ANO7: variants seen among roughly 807,000 people sequenced by gnomAD.
The protein encoded by ANO7 is anoctamin-7.
A neutral mutation model predicts 115.8 loss-of-function variants in ANO7; 114 were observed. The ratio of observed to expected loss-of-function variants is 0.98; its 90% confidence interval spans 0.85 to 1.15. ANO7 has a LOEUF of 1.15. Among genes scored for constraint, ANO7 ranks in the 50% most tolerant of loss-of-function variants. ANO7 has a pLI of 0.00. For missense variants in ANO7, 1,302 were observed against 1,201.2 expected (o/e 1.08, Z -1.24); for synonymous variants, 550 against 498.2 (o/e 1.10, Z -1.38).
the ANO7 span, chr2:241,236,125 T>C: frequency 5.1e-6 from 1 of 195,676 alleles, no homozygotes; most frequent in African/African-American, 2.3e-5. Flanking sequence ...TGCCACAGGA[T>C]ATATCTGCGT....
chr2:241,192,639 A>G (rs2068233086), intron 3 of ANO7, among the ~76,000 whole-genome samples: 1 of 152,204 alleles, frequency 6.6e-6, no homozygotes, highest in Non-Finnish European at 1.5e-5. Context: ...TTTTGGAGAA[A>G]CTTAGTTCAG....
chr2:241,195,646 C>T (rs2068307487), intron 3 of ANO7, 57 bp from the exon 4 acceptor site: 2 of 1,565,312 alleles, frequency 1.3e-6, no homozygotes, highest in Admixed American at 3.5e-5. Context: ...CATCCCTTCC[C>T]TGGGCCGGCC....
Position 241,225,297 on chromosome 2 carries a change from A to T in ANO7, c.*1144A>T, listed in dbSNP as rs2069131996. ...TCCCAGGACTTTGGGAGGCTGAGGC[A>T]GGAGGATTACAAGGTCAGGAGTTCG... is the stretch of plus-strand genomic sequence containing the variant. On this transcript the variant is annotated 3_prime_UTR_variant, in exon 25 of 25. Transcript: ENST00000674324. 1 of 152,140 alleles carries T rather than the reference A, an allele frequency of 6.6e-6. No homozygotes were observed. Among genetic ancestry groups the T allele is most frequent in the Non-Finnish European group, 1.5e-5 (1 of 68,014 alleles). The allele number at this position is 152,140 out of a possible 1,614,324, so 9.4% of individuals were successfully genotyped here. A position where few individuals can be genotyped will look rare whatever the true frequency, so the allele number is the denominator to read the frequency against.
intron 10 of ANO7, among the ~76,000 whole-genome samples, chr2:241,206,700 G>C (rs1236506342): frequency 1.6e-4 from 5 of 31,634 alleles, no homozygotes; most frequent in South Asian, 1.4e-3. Flanking sequence ...GTGCTACCAG[G>C]CTGACACAGG....
intron 3 of ANO7, 132 bp from the exon 4 acceptor site, chr2:241,195,571 G>C: frequency 2.4e-6 from 2 of 831,066 alleles, no homozygotes; most frequent in South Asian, 3.4e-5. Flanking sequence ...AGAGGGGATC[G>C]GGAAGGAACC....
At chr2:241,223,384 T>C (rs745898341) in intron 22 of ANO7, 108 bp downstream of exon 22, 27 of 1,282,320 alleles carry the variant, frequency 2.1e-5, no homozygotes, top group Non-Finnish European at 3.0e-5. Context: ...CTTCCTGCTG[T>C]GTCATCTTGG....
At position 241,204,850 on chromosome 2, in the gene ANO7, C is replaced by T. The variant is rs773331482; in HGVS notation, c.890-15C>T. ...CTGGGTTCCTGATGGTGGACCCCTGCCATCCTCTCTACAGGGTTTTACACA... is the reference window on the plus strand; with the variant it reads ...CTGGGTTCCTGATGGTGGACCCCTGTCATCCTCTCTACAGGGTTTTACACA... On this transcript the variant is annotated splice_polypyrimidine_tract_variant and intron_variant, in intron 9 of 24. Coordinates refer to ENST00000674324, the MANE Select transcript of ANO7 (RefSeq NM_001370694.2). The T allele has an allele frequency of 4.1e-5, 66 of 1,608,020 alleles. No individual in the cohort carries two copies. Among genetic ancestry groups the T allele is most frequent in the Non-Finnish European group, 5.4e-5 (64 of 1,175,186 alleles).
intron 19 of ANO7, 114 bp downstream of exon 19, chr2:241,216,352 T>G: frequency 1.5e-6 from 2 of 1,326,196 alleles, no homozygotes; most frequent in Non-Finnish European, 1.0e-6. Flanking sequence ...TGCCCTGAAA[T>G]GTGCTGTGGG....
intron 18 of ANO7, 44 bp from the exon 19 acceptor site, chr2:241,216,049 C>T: frequency 6.4e-7 from 1 of 1,569,012 alleles, no homozygotes; most frequent in Non-Finnish European, 8.6e-7. Flanking sequence ...GCCACTGAGA[C>T]CCATGTTGGA....
At chr2:241,202,330 GC>G (rs1313622803) in intron 8 of ANO7, 26 bp downstream of exon 8, 3 of 1,602,686 alleles carry the variant, frequency 1.9e-6, no homozygotes, top group Admixed American at 3.3e-5. Context: ...GGGGGCTCCA[GC>G]CTGGGTATGG....
intron 4 of ANO7, among the ~76,000 whole-genome samples, chr2:241,196,838 C>CGTGTGTGTGTGTGT (rs60120827): frequency 3.4e-5 from 5 of 146,918 alleles, no homozygotes; most frequent in African/African-American, 1.3e-4. Context: ...TCAATTCATT[C>CGTGTGTGTGTGTGT]GTGTGTGTGT....
At chr2:241,237,474 G>A in the ANO7 span, among the ~76,000 whole-genome samples, 3 of 152,198 alleles carry the variant, frequency 2.0e-5, no homozygotes, top group East Asian at 5.8e-4. Flanking sequence ...GGTGTGTGAT[G>A]TAAATAAATG....
rs1412854758 is a variant in ANO7 at position 241,223,960 on chromosome 2, G to C, written c.2583+5G>C. The C allele has an allele frequency of 6.2e-7, 1 of 1,614,028 alleles. No homozygotes were observed. The highest frequency in any genetic ancestry group is 1.7e-5 in the Admixed American group (1 of 60,028). On this transcript the variant is annotated splice_donor_5th_base_variant and intron_variant, in intron 24 of 24. Coordinates refer to ENST00000674324, the MANE Select transcript of ANO7 (RefSeq NM_001370694.2). ...GAGCAGCCCGAGGGCTCAGAGGCAA[G>C]TCTGGGAGCAGCCAGGCCCCTGCCC...
chr2:241,228,223 T>G (rs1429900045), downstream of ANO7: 1 of 152,280 alleles, frequency 6.6e-6, no homozygotes, highest in Non-Finnish European at 1.5e-5. Flanking sequence ...CGCTAGCAGC[T>G]CAGTCACCTC....
At position 241,225,771 on chromosome 2, in the gene ANO7, G is replaced by C. The variant is rs2069150010; in HGVS notation, c.*1618G>C. Among the ~76,000 whole-genome samples the C allele has an allele frequency of 6.6e-6, 1 of 152,206 alleles. No homozygotes were observed. Among genetic ancestry groups the C allele is most frequent in the South Asian group, 2.1e-4 (1 of 4,836 alleles). On this transcript the variant is annotated 3_prime_UTR_variant, in exon 25 of 25. Transcript: ENST00000674324. Reference sequence around the variant, plus strand: ...GAAGGGCTCTTCCGGCAGGGATGCAGGCTCACAGCGCCCTGGGGCTGGACA... The same window carrying C: ...GAAGGGCTCTTCCGGCAGGGATGCACGCTCACAGCGCCCTGGGGCTGGACA...
At chr2:241,192,623 T>A (rs898714919) in intron 3 of ANO7, among the ~76,000 whole-genome samples, 1 of 152,180 alleles carries the variant, frequency 6.6e-6, no homozygotes, top group African/African-American at 2.4e-5. Flanking sequence ...GGCTTTGACA[T>A]ACAAATTTTG....
chr2:241,189,515 G>A (rs12478310), intron 1 of ANO7, among the ~76,000 whole-genome samples: 39,942 of 151,916 alleles, frequency 0.26, 6,248 homozygotes, highest in Middle Eastern at 0.44. Flanking sequence ...GCGAAGGTGC[G>A]GGAGGAAGCT....
intron 11 of ANO7, among the ~76,000 whole-genome samples, chr2:241,208,537 A>G (rs2068640371): frequency 6.6e-6 from 1 of 152,144 alleles, no homozygotes; most frequent in Non-Finnish European, 1.5e-5. Flanking sequence ...CCTTACATCT[A>G]CAAAGGCCCT....
chr2:241,222,978 C>T (rs1052397459), intron 21 of ANO7, among the ~76,000 whole-genome samples: 2 of 152,218 alleles, frequency 1.3e-5, no homozygotes, highest in Non-Finnish European at 2.9e-5. Context: ...AGCACATCCA[C>T]CTTTGGAACC....
Sources: gnomAD v4.1 joint callset for allele counts (sites outside exome capture counted in the v4.1 genomes callset) on GRCh38, gnomAD v4.1.1 for gene constraint, MANE v1.5 for transcripts, NCBI Gene and HGNC (gene_info 2026-07-23, HGNC 2026-07-21) for gene names.